Variants in FOXP4 observed in about 807,000 individuals in gnomAD.
FOXP4 encodes the protein forkhead box P4, also known as forkhead box protein P4.
A neutral mutation model predicts 82.6 loss-of-function variants in FOXP4; 25 were observed. The ratio of observed to expected loss-of-function variants is 0.30; its 90% CI spans 0.22 to 0.42. FOXP4 has a LOEUF of 0.42. Among genes scored for constraint, FOXP4 ranks in the 10% least tolerant of loss-of-function variants. The pLI is 1.00. For missense variants in FOXP4, 785 were observed against 900.9 expected (o/e 0.87, Z 1.65); for synonymous variants, 415 against 388.2 (o/e 1.07, Z -0.81).
intron 2 of FOXP4, among the ~76,000 whole-genome samples, chr6:41,572,304 A>G (rs965991567): frequency 8.5e-5 from 13 of 152,122 alleles, no homozygotes; most frequent in Non-Finnish European, 1.9e-4. Flanking sequence ...CACACACCCT[A>G]GAGCCAGCCA....
Position 41,591,180 on chromosome 6 carries a change from G to A in FOXP4, c.1435-41G>A, listed in dbSNP as rs1766493193. 2.6e-6 allele frequency: 4 copies of A among 1,547,416 alleles called. No homozygotes were observed. Among genetic ancestry groups the A allele is most frequent in the African/African-American group, 1.4e-5 (1 of 73,674 alleles). Reference sequence around the variant, plus strand: ...GGAACCCAGGGCTGTGACCCTTCGAGGCCCAGGCTGACGGTCCCTTTGCTT... The same window carrying A: ...GGAACCCAGGGCTGTGACCCTTCGAAGCCCAGGCTGACGGTCCCTTTGCTT... On this transcript the variant is annotated intron_variant, in intron 12 of 16. Coordinates refer to ENST00000307972, the MANE Select transcript of FOXP4 (RefSeq NM_001012426.2). The surrounding 1 kb of genome is among the most constrained non-coding windows in gnomAD (Gnocchi z 4.2).
chr6:41,590,043 C>T lies in FOXP4; in HGVS notation c.1230C>T (p.His410=), dbSNP rs986618450. The part of the protein sequence containing the change: ...AADSFPDGLV[H]PPTSAAAPVT... The stretch of plus-strand genomic sequence containing the variant: ...ACTCATTCCCAGATGGTCTCGTGCA[C>T]CCCCCGACCTCGGCCGCAGCCCCTG... The change falls in exon 11 of 17, where the codon CAC becomes CAT. Residue 410 remains histidine (H), a synonymous_variant. Coordinates refer to ENST00000307972, the MANE Select transcript of FOXP4 (RefSeq NM_001012426.2). The T allele has an allele frequency of 6.2e-7, 1 of 1,613,530 alleles. No individual in the cohort carries two copies. Among genetic ancestry groups the T allele is most frequent in the Non-Finnish European group, 8.5e-7 (1 of 1,179,882 alleles).
rs1764124856 is a variant in FOXP4, at chr6:41,553,716, C to T, written c.-17+6849C>T. On this transcript the variant is annotated intron_variant, in intron 1 of 16. Coordinates refer to ENST00000307972, the MANE Select transcript of FOXP4 (RefSeq NM_001012426.2). Reference sequence around the variant, plus strand: ...GGAGGGAGGAAGAGCTGGGAACAGACTGCACCCTAGTTGGGGACAGAGGAG... The same window carrying T: ...GGAGGGAGGAAGAGCTGGGAACAGATTGCACCCTAGTTGGGGACAGAGGAG... Among the ~76,000 whole-genome samples the T allele has an allele frequency of 2.6e-5, 4 of 152,192 alleles. No individual in the cohort carries two copies. The South Asian group carries it at 8.3e-4, about 31-fold the overall frequency.
intron 1 of FOXP4, among the ~76,000 whole-genome samples, chr6:41,555,326 A>G (rs918669646): frequency 2.0e-5 from 3 of 152,106 alleles, no homozygotes; most frequent in Non-Finnish European, 2.9e-5. Context: ...TCTTTGTACC[A>G]TAAGGCCTTG....
rs538785209 is a variant in FOXP4 at position 41,585,026 on chromosome 6, C to T, written c.423+135C>T. On this transcript the variant is annotated intron_variant, in intron 4 of 16. Transcript: ENST00000307972. ...TGCTCAGGCCAGACTGATCTGCATT[C>T]CTCTAGGGTAGTGGGGAGAGGTCAA... 61 of 1,259,010 alleles carry T rather than the reference C, an allele frequency of 4.8e-5. No homozygotes were observed. The African/African-American group carries it at 8.9e-4, about 18-fold the overall frequency. 78.0% of individuals were successfully genotyped at this position (1,259,010 alleles called of 1,614,324 possible).
intron 2 of FOXP4, among the ~76,000 whole-genome samples, chr6:41,566,567 G>A (rs1764892426): frequency 2.0e-5 from 3 of 152,190 alleles, no homozygotes; most frequent in Admixed American, 2.0e-4. Context: ...AAAGTGCAGA[G>A]TTCGGGAGTT....
chr6:41,591,291 C>T lies in FOXP4; in HGVS notation c.1505C>T (p.Ala502Val). 1 of 1,607,156 alleles carries T rather than the reference C, an allele frequency of 6.2e-7. No individual in the cohort carries two copies. Residue 502 changes from alanine to valine, a missense_variant, in exon 13 of 17, where the codon GCC (alanine) becomes GTC (valine). Transcript: ENST00000307972. The surrounding 1 kb of genome is among the most constrained non-coding windows in gnomAD (Gnocchi z 4.2). Reference sequence around the variant, plus strand: ...TATAACTGGTTCACCAGGATGTTCGCCTATTTCCGCAGAAACACTGCCACC... The same window carrying T: ...TATAACTGGTTCACCAGGATGTTCGTCTATTTCCGCAGAAACACTGCCACC... ...EIYNWFTRMFAYFRRNTATWK... is the reference protein window; with the variant it reads ...EIYNWFTRMFVYFRRNTATWK...
At chr6:41,589,722 C>T (rs770336928) in intron 9 of FOXP4, 49 bp from the exon 10 acceptor site, 3 of 1,581,396 alleles carry the variant, frequency 1.9e-6, no homozygotes, top group Admixed American at 3.4e-5. Flanking sequence ...ACAACACTGC[C>T]TCCAGGGTTC....
Position 41,591,424 on chromosome 6 carries a change from G to C in FOXP4, c.1536+102G>C. 9.5e-7 allele frequency: 1 copy of C among 1,053,250 alleles called. No individual in the cohort carries two copies. Among genetic ancestry groups the C allele is most frequent in the Non-Finnish European group, 1.4e-6 (1 of 708,474 alleles). 65.2% of individuals were successfully genotyped at this position (1,053,250 alleles called of 1,614,324 possible). A position where few individuals can be genotyped will look rare whatever the true frequency, so the allele number is the denominator to read the frequency against. On this transcript the variant is annotated intron_variant, in intron 13 of 16. Transcript: ENST00000307972. This position sits in a 1 kb window ranked among gnomAD's most constrained non-coding sequence, Gnocchi z 4.2. Reference sequence around the variant, plus strand: ...TAACAATTAGTTCCCTAAACCATTAGTCCTGCAGAAACAGCCACCCAAGGG... The same window carrying C: ...TAACAATTAGTTCCCTAAACCATTACTCCTGCAGAAACAGCCACCCAAGGG...
intron 1 of FOXP4, among the ~76,000 whole-genome samples, chr6:41,555,389 GC>G (rs780752126): frequency 1.2e-4 from 18 of 152,170 alleles, no homozygotes; most frequent in Non-Finnish European, 2.2e-4. Context: ...GCCAGGGTGA[GC>G]CCCTCTATGA....
intron 2 of FOXP4, 127 bp from the exon 3 acceptor site, chr6:41,577,859 G>C: frequency 1.6e-6 from 1 of 641,252 alleles, no homozygotes. Flanking sequence ...ATGGACCCAT[G>C]ACCCTCTCAC....
intron 1 of FOXP4, among the ~76,000 whole-genome samples, chr6:41,561,158 C>T (rs1429092712): frequency 6.6e-6 from 1 of 152,208 alleles, no homozygotes; most frequent in Non-Finnish European, 1.5e-5. Flanking sequence ...AGCTTCCTTC[C>T]GACGGCATCT....
chr6:41,575,910 C>A (rs1765455006), intron 2 of FOXP4, among the ~76,000 whole-genome samples: 1 of 152,126 alleles, frequency 6.6e-6, no homozygotes, highest in Non-Finnish European at 1.5e-5. Context: ...CCCTGTACCC[C>A]CTCAACCCTA....
rs576921346 is a variant in FOXP4, at chr6:41,585,000, C to T, written c.423+109C>T. On this transcript the variant is annotated intron_variant, in intron 4 of 16. Coordinates refer to ENST00000307972, the MANE Select transcript of FOXP4 (RefSeq NM_001012426.2). ...CAAGCTGTCCCAGAAACCAGAGAGA[C>T]TGCTCAGGCCAGACTGATCTGCATT... is the stretch of plus-strand genomic sequence containing the variant. The T allele has an allele frequency of 1.6e-5, 22 of 1,388,374 alleles. No homozygotes were observed. In the African/African-American group the frequency reaches 2.2e-4, roughly 14 times the overall value. The allele number at this position is 1,388,374 out of a possible 1,614,324, so 86.0% of individuals were successfully genotyped here.
chr6:41,598,937 G>C lies in FOXP4; in HGVS notation c.*1G>C. On this transcript the variant is annotated 3_prime_UTR_variant, in exon 17 of 17. Transcript: ENST00000307972. The stretch of plus-strand genomic sequence containing the variant: ...GCTGCCGGGAGAAGAACTGTCCTAA[G>C]GGCCTGTAGTGACCGGCAGGGCTGG... 4.4e-6 allele frequency: 7 copies of C among 1,591,264 alleles called. No homozygotes were observed. The highest frequency in any genetic ancestry group is 6.0e-6 in the Non-Finnish European group (7 of 1,170,532).
intron 1 of FOXP4, among the ~76,000 whole-genome samples, chr6:41,560,765 G>A (rs542239084): frequency 6.6e-6 from 1 of 152,398 alleles, no homozygotes; most frequent in African/African-American, 2.4e-5. Flanking sequence ...GGTTCGCGGC[G>A]AGGCGCAGGG....
intron 1 of FOXP4, among the ~76,000 whole-genome samples, chr6:41,554,818 C>T (rs1764186325): frequency 6.6e-6 from 1 of 151,900 alleles, no homozygotes; most frequent in South Asian, 2.1e-4. Flanking sequence ...CGAGATTGTG[C>T]CACTGCACTC....
intron 3 of FOXP4, among the ~76,000 whole-genome samples, chr6:41,580,960 T>C (rs910491279): frequency 6.6e-6 from 1 of 152,178 alleles, no homozygotes; most frequent in African/African-American, 2.4e-5. Flanking sequence ...TCCAGCCTAG[T>C]GAGGGGCCCT....
intron 1 of FOXP4, among the ~76,000 whole-genome samples, chr6:41,555,343 C>T (rs528165631): frequency 1.1e-4 from 16 of 152,274 alleles, no homozygotes; most frequent in South Asian, 6.2e-4. Flanking sequence ...CTTGTGTCTC[C>T]GGGGGCCTGT....
Sources: gnomAD v4.1 joint callset for allele counts (sites outside exome capture counted in the v4.1 genomes callset) on GRCh38, gnomAD v4.1.1 for gene constraint, Gnocchi (gnomAD v3.1) non-coding constraint, MANE v1.5 for transcripts, NCBI Gene and HGNC (gene_info 2026-07-23, HGNC 2026-07-21) for gene names.